The following HACD2 variants were observed in gnomAD, a reference collection of about 807,000 sequenced individuals.
HACD2 encodes the protein 3-hydroxyacyl-CoA dehydratase 2.
HACD2 carries 15 observed loss-of-function variants against 31.0 expected under a neutral mutation model. The ratio of observed to expected loss-of-function variants is 0.48; its 90% CI spans 0.32 to 0.75. The LOEUF (loss-of-function observed/expected upper bound fraction) is 0.75, where lower values mean the gene tolerates loss of function less well. HACD2 is among the 30% of genes least tolerant of loss of function. The probability of loss-of-function intolerance (pLI) is 0.03; values close to 1 mark genes in which losing one functional copy is unlikely to be tolerated. For missense variants in HACD2, 283 were observed against 313.0 expected, an observed-to-expected ratio of 0.90 and a Z score of 0.72; for synonymous variants, 115 against 122.2, an observed-to-expected ratio of 0.94 and a Z score of 0.39.
intron 3 of HACD2, among the ~76,000 whole-genome samples, chr3:123,566,030 C>T (rs541749847): frequency 5.8e-4 from 88 of 152,242 alleles, no homozygotes; most frequent in African/African-American, 1.9e-3. Context: ...AAGCAGACCA[C>T]GGGACAGATG....
chr3:123,584,734 AG>A, intron 1 of HACD2, 138 bp downstream of exon 1: 2 of 604,476 alleles, frequency 3.3e-6, no homozygotes, highest in Non-Finnish European at 5.1e-6. Flanking sequence ...CTCAGCGCCC[AG>A]GTACCGGGTC....
At chr3:123,533,801 G>A (rs892707465) in intron 3 of HACD2, among the ~76,000 whole-genome samples, 3 of 152,188 alleles carry the variant, frequency 2.0e-5, no homozygotes, top group South Asian at 2.1e-4. Context: ...ATGTTTTAGC[G>A]TAGTTCTCAA....
chr3:123,538,769 AGGTCCCCT>A (rs1157628831), intron 3 of HACD2, among the ~76,000 whole-genome samples: 1 of 152,224 alleles, frequency 6.6e-6, no homozygotes, highest in Non-Finnish European at 1.5e-5. Flanking sequence ...TGGTGGTCTT[AGGTCCCCT>A]GGCCTCTCAG....
At chr3:123,583,188 A>G (rs2056984193) in intron 1 of HACD2, among the ~76,000 whole-genome samples, 1 of 150,086 alleles carries the variant, frequency 6.7e-6, no homozygotes, top group African/African-American at 2.5e-5. Flanking sequence ...AACTGGTACA[A>G]CCATTAACAG....
chr3:123,564,334 A>C (rs1207452275), intron 3 of HACD2, among the ~76,000 whole-genome samples: 2 of 152,252 alleles, frequency 1.3e-5, no homozygotes, highest in Non-Finnish European at 2.9e-5. Flanking sequence ...ATGTTCAGTC[A>C]GAAGGGCAAT....
intron 3 of HACD2, among the ~76,000 whole-genome samples, chr3:123,531,645 C>T (rs2056361810): frequency 6.6e-6 from 1 of 152,034 alleles, no homozygotes; most frequent in South Asian, 2.1e-4. Flanking sequence ...TTAGTATCCA[C>T]ACACACACAC....
intron 3 of HACD2, among the ~76,000 whole-genome samples, chr3:123,559,936 C>T (rs2056710380): frequency 6.6e-6 from 1 of 152,218 alleles, no homozygotes; most frequent in Non-Finnish European, 1.5e-5. Flanking sequence ...TCCACCCTCC[C>T]TGCTCAGGCT....
At chr3:123,545,512 A>C (rs1324501757) in intron 3 of HACD2, among the ~76,000 whole-genome samples, 1 of 145,388 alleles carries the variant, frequency 6.9e-6, no homozygotes, top group Non-Finnish European at 1.5e-5. Flanking sequence ...TAAATAAATA[A>C]ATAAATAAAT....
At chr3:123,518,995 TAAAA>T (rs67571643) in intron 4 of HACD2, among the ~76,000 whole-genome samples, 8 of 42,482 alleles carry the variant, frequency 1.9e-4, no homozygotes, top group South Asian at 9.1e-4. Flanking sequence ...AGACTCCAAC[TAAAA>T]AAAAAAAAAA....
chr3:123,575,234 C>T (rs1026493695), intron 2 of HACD2, among the ~76,000 whole-genome samples: 69 of 151,944 alleles, frequency 4.5e-4, no homozygotes, highest in Admixed American at 1.5e-3. Flanking sequence ...CTTAGCCTCC[C>T]GAGTAGCTAG....
chr3:123,532,258 C>T (rs1030901493), intron 3 of HACD2, among the ~76,000 whole-genome samples: 3 of 152,180 alleles, frequency 2.0e-5, no homozygotes, highest in East Asian at 1.9e-4. Flanking sequence ...ACTTAGACAC[C>T]TTAATTTTCC....
At chr3:123,520,505 T>C (rs2056200140) in intron 4 of HACD2, among the ~76,000 whole-genome samples, 1 of 152,224 alleles carries the variant, frequency 6.6e-6, no homozygotes, top group South Asian at 2.1e-4. Context: ...TGTTCACATA[T>C]GGCTAAGAGC....
chr3:123,546,905 G>A (rs2056566166), intron 3 of HACD2, among the ~76,000 whole-genome samples: 1 of 152,034 alleles, frequency 6.6e-6, no homozygotes, highest in South Asian at 2.1e-4. Context: ...GTGGAAATTT[G>A]GTGTAATAAT....
intron 6 of HACD2, among the ~76,000 whole-genome samples, chr3:123,496,142 G>A (rs936321652): frequency 3.3e-5 from 5 of 152,094 alleles, no homozygotes; most frequent in Admixed American, 6.5e-5. Flanking sequence ...TCCCCACTCA[G>A]CCTCCTGAGT....
chr3:123,512,128 T>C (rs1228306432), intron 4 of HACD2, among the ~76,000 whole-genome samples: 2 of 152,160 alleles, frequency 1.3e-5, no homozygotes, highest in African/African-American at 4.8e-5. Flanking sequence ...TGTTCCTTAA[T>C]AGCAGCACCA....
intron 3 of HACD2, among the ~76,000 whole-genome samples, chr3:123,534,286 G>A (rs2056399584): frequency 6.6e-6 from 1 of 152,026 alleles, no homozygotes; most frequent in Non-Finnish European, 1.5e-5. Flanking sequence ...ATGGCATTTC[G>A]GATAACGACG....
At chr3:123,578,754 A>G (rs2056934411) in intron 2 of HACD2, among the ~76,000 whole-genome samples, 1 of 152,240 alleles carries the variant, frequency 6.6e-6, no homozygotes, top group Admixed American at 6.5e-5. Flanking sequence ...CATTTAGCAT[A>G]AAGAGATATA....
chr3:123,512,448 GAC>G (rs2107690763), intron 4 of HACD2, among the ~76,000 whole-genome samples: 1 of 152,262 alleles, frequency 6.6e-6, no homozygotes, highest in South Asian at 2.1e-4. Context: ...CCACGTGGAG[GAC>G]ACAGTATGGT....
intron 3 of HACD2, among the ~76,000 whole-genome samples, chr3:123,546,963 T>C (rs1309923560): frequency 1.3e-5 from 2 of 152,312 alleles, no homozygotes; most frequent in East Asian, 3.9e-4. Flanking sequence ...ACAGAGTTCA[T>C]ATCTAAAAAA....
Sources: gnomAD v4.1 joint callset for allele counts (sites outside exome capture counted in the v4.1 genomes callset) on GRCh38, gnomAD v4.1.1 for gene constraint, MANE v1.5 for transcripts, NCBI Gene and HGNC (gene_info 2026-07-23, HGNC 2026-07-21) for gene names.